Variants in NAF1 observed in about 807,000 individuals in gnomAD.
The protein encoded by NAF1 is H/ACA ribonucleoprotein complex non-core subunit NAF1.
Under a neutral mutation model 40.6 loss-of-function variants are expected in NAF1, and 11 were observed. That is an observed-to-expected ratio of 0.27 (90% CI 0.17 to 0.45). The LOEUF (loss-of-function observed/expected upper bound fraction) is 0.45, where lower values mean the gene tolerates loss of function less well. NAF1 is among the 20% of genes least tolerant of loss of function. NAF1 has a pLI of 1.00. For synonymous variants in NAF1, 260 were observed against 228.5 expected (o/e 1.14, Z -1.24); for missense variants, 607 against 611.1 (o/e 0.99, Z 0.07).
At chr4:163,150,187 A>C (rs1193272493) in intron 2 of NAF1, among the ~76,000 whole-genome samples, 2 of 152,170 alleles carry the variant, frequency 1.3e-5, no homozygotes. Flanking sequence ...CATGTAATAT[A>C]ATAGTTATGC....
intron 5 of NAF1, among the ~76,000 whole-genome samples, chr4:163,137,561 T>C (rs1731108227): frequency 6.6e-6 from 1 of 152,158 alleles, no homozygotes; most frequent in African/African-American, 2.4e-5. Flanking sequence ...TTCACAAAAC[T>C]CAGTTTAAAA....
chr4:163,165,694 A>G (rs1211303979), intron 1 of NAF1, among the ~76,000 whole-genome samples: 2 of 152,180 alleles, frequency 1.3e-5, no homozygotes, highest in East Asian at 3.8e-4. Flanking sequence ...ATTTGTAGAC[A>G]ATGTTCAGTG....
At chr4:163,138,497 C>CA (rs1344948162) in intron 5 of NAF1, among the ~76,000 whole-genome samples, 3 of 152,150 alleles carry the variant, frequency 2.0e-5, no homozygotes, top group Admixed American at 6.5e-5. Flanking sequence ...GCACTTTTAA[C>CA]AAGACAGTAA....
chr4:163,108,321 C>T (rs1371966640), downstream of NAF1, among the ~76,000 whole-genome samples: 1 of 152,180 alleles, frequency 6.6e-6, no homozygotes, highest in East Asian at 1.9e-4. Flanking sequence ...GTACCTAGAT[C>T]ATGGCATATG....
At chr4:163,151,341 A>G (rs1053897186) in intron 2 of NAF1, among the ~76,000 whole-genome samples, 2 of 150,376 alleles carry the variant, frequency 1.3e-5, no homozygotes, top group African/African-American at 2.4e-5. Flanking sequence ...CTGAAAATTC[A>G]CTATTGTTTT....
chr4:163,124,327 A>G (rs1347997114), downstream of NAF1, among the ~76,000 whole-genome samples: 1 of 152,194 alleles, frequency 6.6e-6, no homozygotes, highest in African/African-American at 2.4e-5. Flanking sequence ...AGGGAGGAAT[A>G]CTGAGTCTTC....
chr4:163,139,403 T>A (rs903108088), intron 5 of NAF1, among the ~76,000 whole-genome samples: 13 of 152,108 alleles, frequency 8.5e-5, no homozygotes, highest in Admixed American at 3.3e-4. Flanking sequence ...TTTGAAAATA[T>A]TTTTAGTGGC....
At chr4:163,163,308 AAG>A (rs1483198235) in intron 2 of NAF1, among the ~76,000 whole-genome samples, 1 of 152,172 alleles carries the variant, frequency 6.6e-6, no homozygotes, top group Non-Finnish European at 1.5e-5. Context: ...AGTAGAGAAA[AAG>A]AGAAATAATT....
chr4:163,105,230 G>A (rs929657269), downstream of NAF1, among the ~76,000 whole-genome samples: 1 of 152,198 alleles, frequency 6.6e-6, no homozygotes, highest in African/African-American at 2.4e-5. Context: ...TTTGCTGGCT[G>A]TGTGAGCTTT....
At chr4:163,143,060 G>A (rs534399938) in intron 4 of NAF1, among the ~76,000 whole-genome samples, 14 of 152,288 alleles carry the variant, frequency 9.2e-5, no homozygotes, top group Admixed American at 3.3e-4. Flanking sequence ...ACTATGAGGT[G>A]GGCAAGCAGC....
intron 3 of NAF1, among the ~76,000 whole-genome samples, chr4:163,146,860 G>A (rs986237504): frequency 1.3e-5 from 2 of 152,156 alleles, no homozygotes; most frequent in Non-Finnish European, 2.9e-5. Flanking sequence ...CCATTAGGTT[G>A]AGAATTTTTT....
At chr4:163,136,363 T>C (rs1731058369) in intron 6 of NAF1, 1 of 147,854 alleles carries the variant, frequency 6.8e-6, no homozygotes, top group Non-Finnish European at 1.5e-5. Context: ...AAAACTGTAA[T>C]ACTGAGAAAA....
At chr4:163,142,109 G>T (rs1412693980) in intron 4 of NAF1, 1 of 167,174 alleles carries the variant, frequency 6.0e-6, no homozygotes, top group Non-Finnish European at 1.2e-5. Context: ...CTTTGAAAAG[G>T]TTTAGATAAA....
At chr4:163,132,810 A>T (rs1041469659) in intron 7 of NAF1, among the ~76,000 whole-genome samples, 2 of 152,246 alleles carry the variant, frequency 1.3e-5, no homozygotes, top group Admixed American at 1.3e-4. Flanking sequence ...ATTTTCAAAA[A>T]AGGTAAAGGG....
chr4:163,121,967 A>G (rs1730530230), downstream of NAF1, among the ~76,000 whole-genome samples: 1 of 152,212 alleles, frequency 6.6e-6, no homozygotes, highest in African/African-American at 2.4e-5. Flanking sequence ...TAACTCAATA[A>G]TGGCAAGTTG....
At chr4:163,157,297 G>GA (rs781085352) in intron 2 of NAF1, 1 of 151,782 alleles carries the variant, frequency 6.6e-6, no homozygotes, top group Non-Finnish European at 1.5e-5. Flanking sequence ...CAAATAATGA[G>GA]AAAGTCCAAA....
chr4:163,137,620 G>A (rs909139586), intron 5 of NAF1, among the ~76,000 whole-genome samples: 2 of 152,212 alleles, frequency 1.3e-5, no homozygotes, highest in East Asian at 1.9e-4. Context: ...TTCCATGTGC[G>A]AAGGACATAA....
chr4:163,128,602 A>G (rs1354491885), downstream of NAF1: 1 of 380,984 alleles, frequency 2.6e-6, no homozygotes, highest in Non-Finnish European at 3.6e-6. Flanking sequence ...TCCCATATCC[A>G]TTACTATATA....
exon 3 of NAF1, chr4:163,110,187 T>C (rs1730117504): frequency 4.7e-6 from 3 of 642,888 alleles, no homozygotes; most frequent in Non-Finnish European, 5.6e-6. Context: ...CTGGTAGACT[T>C]GCTGTTACCA....
Sources: gnomAD v4.1 joint callset for allele counts (sites outside exome capture counted in the v4.1 genomes callset) on GRCh38, gnomAD v4.1.1 for gene constraint, MANE v1.5 for transcripts, NCBI Gene and HGNC (gene_info 2026-07-23, HGNC 2026-07-21) for gene names.